KIF6: variants seen among roughly 807,000 people sequenced by gnomAD.
KIF6 encodes the protein kinesin-like protein KIF6.
KIF6 carries 106 observed loss-of-function variants against 112.7 expected under a neutral mutation model. The observed-to-expected ratio is 0.94, with a 90% CI of 0.80 to 1.11. KIF6 has a LOEUF of 1.11. Among genes scored for constraint, KIF6 ranks in the 50% least tolerant of loss-of-function variants. The pLI is 0.00. For missense variants in KIF6, 929 were observed against 964.0 expected (o/e 0.96, Z 0.48); for synonymous variants, 339 against 339.9 (o/e 1.00, Z 0.03).
At chr6:39,713,740 A>T (rs532545236) in intron 3 of KIF6, among the ~76,000 whole-genome samples, 115 of 152,354 alleles carry the variant, frequency 7.5e-4, no homozygotes, top group African/African-American at 2.7e-3. Context: ...GATTTTGATT[A>T]TAACTCTGAA....
intron 3 of KIF6, among the ~76,000 whole-genome samples, chr6:39,671,234 C>A (rs1380066968): frequency 1.3e-5 from 2 of 152,164 alleles, no homozygotes; most frequent in Non-Finnish European, 2.9e-5. Context: ...GTGCTTTAAG[C>A]AGGATGTGAA....
chr6:39,379,870 C>A (rs779978356), intron 16 of KIF6, among the ~76,000 whole-genome samples: 3 of 152,144 alleles, frequency 2.0e-5, no homozygotes, highest in Non-Finnish European at 2.9e-5. Flanking sequence ...GCATCCACAG[C>A]GGAGCAAAGT....
Position 39,330,509 on chromosome 6 carries a change from G to A in KIF6, c.*6023C>T, listed in dbSNP as rs572820777. 5.8e-4 allele frequency: 89 copies of A among 152,310 alleles called. No individual in the cohort carries two copies. The highest frequency in any genetic ancestry group is 2.1e-3 in the African/African-American group (88 of 41,562). 9.4% of individuals were successfully genotyped at this position (152,310 alleles called of 1,614,324 possible). A position where few individuals can be genotyped will look rare whatever the true frequency, so the allele number is the denominator to read the frequency against. The stretch of plus-strand genomic sequence containing the variant: ...AGACAAACCCAGGAGATGTTTCGGA[G>A]AAAAGAAAACAACAACATCCCACAC... On this transcript the variant is annotated 3_prime_UTR_variant, in exon 23 of 23. Coordinates refer to ENST00000287152, the MANE Select transcript of KIF6 (RefSeq NM_145027.6).
chr6:39,424,119 T>C (rs1020485314), intron 14 of KIF6, among the ~76,000 whole-genome samples: 2 of 152,074 alleles, frequency 1.3e-5, no homozygotes, highest in Non-Finnish European at 2.9e-5. Flanking sequence ...CCCACAACAT[T>C]CCCAGGCAGG....
intron 13 of KIF6, among the ~76,000 whole-genome samples, chr6:39,445,300 G>A (rs1341050708): frequency 6.6e-6 from 1 of 152,176 alleles, no homozygotes; most frequent in Non-Finnish European, 1.5e-5. Flanking sequence ...CCAGTGAACA[G>A]TGGTGAAAAG....
intron 3 of KIF6, among the ~76,000 whole-genome samples, chr6:39,648,488 C>A (rs545703864): frequency 1.2e-3 from 186 of 152,330 alleles, no homozygotes; most frequent in African/African-American, 4.2e-3. Flanking sequence ...CCAGAGTGAT[C>A]TGAAAGACAC....
At chr6:39,369,109 G>A (rs961493296) in intron 16 of KIF6, among the ~76,000 whole-genome samples, 2 of 152,194 alleles carry the variant, frequency 1.3e-5, no homozygotes, top group Non-Finnish European at 2.9e-5. Context: ...TACGGAGATT[G>A]ATGGTGTTCA....
chr6:39,609,146 C>G lies in KIF6; in HGVS notation c.639+4043G>C, dbSNP rs549092059. Among the ~76,000 whole-genome samples the G allele has an allele frequency of 2.0e-5, 3 of 152,284 alleles. No individual in the cohort carries two copies. The South Asian group carries it at 6.2e-4, about 32-fold the overall frequency. On this transcript the variant is annotated intron_variant, in intron 6 of 22. Coordinates refer to ENST00000287152, the MANE Select transcript of KIF6 (RefSeq NM_145027.6). ...GAAGGTCTCCAAAGCTCATGCTCTT[C>G]AGCACTACTTGGCGGGGATGGCAGG...
At chr6:39,529,743 T>C (rs1432009925) in intron 13 of KIF6, among the ~76,000 whole-genome samples, 1 of 151,844 alleles carries the variant, frequency 6.6e-6, no homozygotes, top group Non-Finnish European at 1.5e-5. Context: ...GCCAAGATCA[T>C]GCCACTGCAC....
At chr6:39,618,249 T>C (rs12206710) in intron 5 of KIF6, among the ~76,000 whole-genome samples, 36,724 of 152,124 alleles carry the variant, frequency 0.24, 4,907 homozygotes, top group East Asian at 0.4. Context: ...TCAAAAGCTC[T>C]TTCTAGTAGC....
intron 13 of KIF6, among the ~76,000 whole-genome samples, chr6:39,516,306 A>C (rs539513039): frequency 3.5e-4 from 53 of 151,066 alleles, no homozygotes; most frequent in African/African-American, 1.3e-3. Flanking sequence ...ATGGATATAT[A>C]TATAAAGAGG....
chr6:39,415,956 C>T (rs1043758057), intron 15 of KIF6, among the ~76,000 whole-genome samples: 4 of 152,210 alleles, frequency 2.6e-5, no homozygotes, highest in African/African-American at 9.6e-5. Flanking sequence ...TCACTAACAG[C>T]TTCTTCTATT....
intron 3 of KIF6, among the ~76,000 whole-genome samples, chr6:39,703,049 C>G (rs1354658497): frequency 2.2e-5 from 2 of 89,818 alleles, no homozygotes; most frequent in African/African-American, 3.5e-5. Context: ...ATTTCCACCC[C>G]CCGGCCACCA....
chr6:39,512,485 T>C (rs756952839), intron 13 of KIF6, among the ~76,000 whole-genome samples: 28 of 152,182 alleles, frequency 1.8e-4, no homozygotes, highest in Admixed American at 4.6e-4. Flanking sequence ...CTGCACATCA[T>C]AGCCTTGGCT....
chr6:39,420,483 G>A (rs543578052), intron 14 of KIF6, among the ~76,000 whole-genome samples: 147 of 152,260 alleles, frequency 9.7e-4, no homozygotes, highest in African/African-American at 3.3e-3. Context: ...CTGGAACACC[G>A]CCACTCCTAT....
chr6:39,336,977 T>C (rs1326580246), intron 22 of KIF6, among the ~76,000 whole-genome samples: 1 of 149,920 alleles, frequency 6.7e-6, no homozygotes, highest in Non-Finnish European at 1.5e-5. Context: ...TCTTTCTCTC[T>C]TTCTCTCCCC....
chr6:39,559,580 A>G (rs1187687819), intron 10 of KIF6, among the ~76,000 whole-genome samples: 1 of 152,242 alleles, frequency 6.6e-6, no homozygotes, highest in Non-Finnish European at 1.5e-5. Context: ...ATGGCCAGGT[A>G]GAGATTGCAA....
chr6:39,537,489 C>G lies in KIF6; in HGVS notation c.1645+2514G>C, dbSNP rs1435887765. Among the ~76,000 whole-genome samples, 298 of 151,802 alleles carry G rather than the reference C, an allele frequency of 2.0e-3. 1 individual carries two copies. Among genetic ancestry groups the G allele is most frequent in the African/African-American group, 7.0e-3 (289 of 41,360 alleles). On this transcript the variant is annotated intron_variant, in intron 13 of 22. Transcript: ENST00000287152. ...CAATTGCTTCAAAGAGAATAAAATA[C>G]CTAGGAATCCAACTTACAAGGGATG...
chr6:39,509,067 C>T (rs1040355715), intron 13 of KIF6, among the ~76,000 whole-genome samples: 9 of 152,128 alleles, frequency 5.9e-5, no homozygotes, highest in East Asian at 1.9e-4. Flanking sequence ...CTGTAGCCTC[C>T]GCTGATGATA....
Sources: allele counts gnomAD v4.1 joint callset (sites outside exome capture counted in the v4.1 genomes callset), GRCh38; gene constraint gnomAD v4.1.1; transcripts MANE v1.5; gene names NCBI Gene and HGNC (gene_info 2026-07-23, HGNC 2026-07-21).